NRXN3: variants seen among roughly 807,000 people sequenced by gnomAD.
NRXN3 encodes the protein neurexin 3.
Under a neutral mutation model 137.6 loss-of-function variants are expected in NRXN3, and 32 were observed. That is an observed-to-expected ratio of 0.23 (90% confidence interval 0.18 to 0.31). The LOEUF (loss-of-function observed/expected upper bound fraction) is 0.31, where lower values mean the gene tolerates loss of function less well. Ranked by LOEUF, NRXN3 falls within the 10% of genes least tolerant of loss-of-function variation. NRXN3 has a pLI of 1.00. For missense variants in NRXN3, 1,574 were observed against 2,062.5 expected (o/e 0.76, Z 4.59); for synonymous variants, 798 against 784.5 (o/e 1.02, Z -0.29).
chr14:79,569,352 A>G (rs1275411358), intron 16 of NRXN3, among the ~76,000 whole-genome samples: 3 of 152,146 alleles, frequency 2.0e-5, no homozygotes, highest in African/African-American at 7.2e-5. Flanking sequence ...CAAACGGAGA[A>G]AACTCTTTGA....
chr14:79,433,051 T>C (rs2095789872), intron 15 of NRXN3, among the ~76,000 whole-genome samples: 1 of 152,210 alleles, frequency 6.6e-6, no homozygotes. Flanking sequence ...AACAATGTAA[T>C]CTTCACAAAG....
At chr14:79,119,579 G>C (rs923587869) in intron 15 of NRXN3, among the ~76,000 whole-genome samples, 4 of 152,004 alleles carry the variant, frequency 2.6e-5, no homozygotes, top group African/African-American at 9.7e-5. Context: ...GAACCATCTG[G>C]AAGTTTCATC....
rs192137879 is a variant in NRXN3 at position 79,088,620 on chromosome 14, C to T, written c.3262+100479C>T. Among the ~76,000 whole-genome samples, 92 of 151,998 alleles carry T rather than the reference C, an allele frequency of 6.1e-4. 1 individual carries two copies. Among genetic ancestry groups the T allele is most frequent in the Middle Eastern group, 6.8e-3 (2 of 294 alleles). ...AACAGTTCCTCAGATGTAGTACCTG[C>T]GGAAGGGAAGGATTAGGTTAGAATA... On this transcript the variant is annotated intron_variant, in intron 15 of 20. Coordinates refer to ENST00000335750, the MANE Select transcript of NRXN3 (RefSeq NM_001330195.2).
chr14:78,429,302 C>T (rs1290811998), intron 4 of NRXN3, among the ~76,000 whole-genome samples: 3 of 152,022 alleles, frequency 2.0e-5, no homozygotes, highest in Non-Finnish European at 2.9e-5. Flanking sequence ...TGGTCTTGAA[C>T]TCCTGACCTC....
In NRXN3 at chr14:79,132,280, T is replaced by C. The variant is rs117465142; in HGVS notation, c.3262+144139T>C. Among the ~76,000 whole-genome samples, 520 of 152,364 alleles carry C rather than the reference T, an allele frequency of 3.4e-3. 4 individuals carry two copies. The highest frequency in any genetic ancestry group is 7.8e-3 in the Admixed American group (120 of 15,312). On this transcript the variant is annotated intron_variant, in intron 15 of 20. Coordinates refer to ENST00000335750, the MANE Select transcript of NRXN3 (RefSeq NM_001330195.2). ...AAGTATGTGTGAAACTACTCGGATA[T>C]ATGAATTACTTTTTCAGTTGTAAGT...
intron 16 of NRXN3, among the ~76,000 whole-genome samples, chr14:79,515,797 G>A (rs2096978075): frequency 6.6e-6 from 1 of 152,140 alleles, no homozygotes; most frequent in Admixed American, 6.5e-5. Flanking sequence ...GAGCAATTCT[G>A]CATTGATTCA....
intron 10 of NRXN3, among the ~76,000 whole-genome samples, chr14:78,856,030 G>A (rs1234265358): frequency 6.6e-6 from 1 of 152,180 alleles, no homozygotes; most frequent in African/African-American, 2.4e-5. Context: ...GAAAGGGTCA[G>A]AGTATTTGAA....
At chr14:78,345,920 T>A (rs1305737105) in intron 4 of NRXN3, among the ~76,000 whole-genome samples, 1 of 152,178 alleles carries the variant, frequency 6.6e-6, no homozygotes, top group Non-Finnish European at 1.5e-5. Flanking sequence ...CTGAGTGTTG[T>A]ACCTACTCTA....
intron 16 of NRXN3, among the ~76,000 whole-genome samples, chr14:79,650,847 G>A (rs2153971402): frequency 6.6e-6 from 1 of 152,288 alleles, no homozygotes; most frequent in South Asian, 2.1e-4. Flanking sequence ...AACTGAAATG[G>A]ATGGTGGTTG....
chr14:78,494,214 G>A (rs2095724488), intron 4 of NRXN3, among the ~76,000 whole-genome samples: 1 of 152,146 alleles, frequency 6.6e-6, no homozygotes, highest in Non-Finnish European at 1.5e-5. Context: ...CTGTTGCTAT[G>A]TAAAATATAT....
intron 4 of NRXN3, among the ~76,000 whole-genome samples, chr14:78,304,956 A>G (rs1349452816): frequency 6.6e-6 from 1 of 152,254 alleles, no homozygotes; most frequent in Non-Finnish European, 1.5e-5. Flanking sequence ...ATGAACACAC[A>G]CACACCTGCG....
At chr14:78,944,039 G>A (rs1204363049) in intron 10 of NRXN3, among the ~76,000 whole-genome samples, 1 of 152,056 alleles carries the variant, frequency 6.6e-6, no homozygotes, top group African/African-American at 2.4e-5. Context: ...TGGTTAGGAG[G>A]GAAGTGGAGC....
chr14:79,819,364 CT>C (rs961492724), intron 20 of NRXN3, among the ~76,000 whole-genome samples: 3 of 146,832 alleles, frequency 2.0e-5, no homozygotes, highest in Non-Finnish European at 4.5e-5. Flanking sequence ...AATGTGTAGT[CT>C]TTTTTTTTGT....
chr14:78,543,378 A>G (rs2096609847), intron 4 of NRXN3, among the ~76,000 whole-genome samples: 1 of 151,226 alleles, frequency 6.6e-6, no homozygotes, highest in African/African-American at 2.4e-5. Flanking sequence ...TCCTCAACAT[A>G]TTGAAAACTG....
chr14:78,307,491 T>C (rs2077489594), intron 4 of NRXN3, among the ~76,000 whole-genome samples: 1 of 152,156 alleles, frequency 6.6e-6, no homozygotes, highest in Non-Finnish European at 1.5e-5. Context: ...AGTGTGGTTT[T>C]TCACTGTGTG....
chr14:78,589,666 T>TG (rs1318466972), intron 4 of NRXN3, among the ~76,000 whole-genome samples: 1 of 152,126 alleles, frequency 6.6e-6, no homozygotes, highest in Non-Finnish European at 1.5e-5. Flanking sequence ...GTCTGCATCT[T>TG]GGGGGAAGGG....
At chr14:78,408,372 C>T (rs1327005820) in intron 4 of NRXN3, among the ~76,000 whole-genome samples, 1 of 152,288 alleles carries the variant, frequency 6.6e-6, no homozygotes, top group East Asian at 1.9e-4. Context: ...ATCTCCAAAG[C>T]ATATGTCAGA....
chr14:79,605,292 C>T (rs2153837288), intron 16 of NRXN3, among the ~76,000 whole-genome samples: 1 of 152,188 alleles, frequency 6.6e-6, no homozygotes, highest in South Asian at 2.1e-4. Flanking sequence ...GTACCTGGGC[C>T]TATGTCAGGT....
rs553659795 is a variant in NRXN3, at chr14:79,407,275, C to T, written c.3263-59946C>T. Among the ~76,000 whole-genome samples the T allele has an allele frequency of 6.6e-5, 10 of 152,212 alleles. No homozygotes were observed. In the East Asian group the frequency reaches 9.7e-4, roughly 15 times the overall value. On this transcript the variant is annotated intron_variant, in intron 15 of 20. Transcript: ENST00000335750. ...TGTTTTCTTCTTACTGTGCCAAACA[C>T]ATAATAAATGCTCAGTATTTGAGAT...
Sources: gnomAD v4.1 joint callset for allele counts (sites outside exome capture counted in the v4.1 genomes callset) on GRCh38, gnomAD v4.1.1 for gene constraint, MANE v1.5 for transcripts, NCBI Gene and HGNC (gene_info 2026-07-23, HGNC 2026-07-21) for gene names.